Variants in GPC6 observed in about 807,000 individuals in gnomAD.
GPC6 encodes glypican 6, also known as glypican-6.
Under a neutral mutation model 55.2 loss-of-function variants are expected in GPC6, and 14 were observed. That is an observed-to-expected ratio of 0.25 (90% CI 0.17 to 0.40). The LOEUF (loss-of-function observed/expected upper bound fraction) is 0.40. Among genes scored for constraint, GPC6 ranks in the 10% least tolerant of loss-of-function variants. The pLI, the probability that GPC6 is intolerant of heterozygous loss-of-function variation, is 1.00. For missense variants in GPC6, 641 were observed against 708.5 expected (o/e 0.90, Z 1.08); for synonymous variants, 278 against 259.6 (o/e 1.07, Z -0.68).
intron 1 of GPC6, among the ~76,000 whole-genome samples, chr13:93,355,367 T>C (rs1275897776): frequency 1.3e-5 from 2 of 152,146 alleles, no homozygotes; most frequent in Non-Finnish European, 2.9e-5. Context: ...AGCTAAGTGA[T>C]AGATTCAAAA....
chr13:93,864,917 T>C (rs1441852004), intron 3 of GPC6, among the ~76,000 whole-genome samples: 2 of 151,742 alleles, frequency 1.3e-5, no homozygotes, highest in African/African-American at 4.8e-5. Flanking sequence ...TAAAATCTCA[T>C]GACTTAAGTT....
chr13:93,478,196 A>G (rs1879371785), intron 1 of GPC6, among the ~76,000 whole-genome samples: 2 of 152,210 alleles, frequency 1.3e-5, no homozygotes, highest in South Asian at 4.1e-4. Context: ...GTTTTAATCT[A>G]TGAGTTATAA....
chr13:93,320,813 A>G (rs1879413376), intron 1 of GPC6, among the ~76,000 whole-genome samples: 1 of 152,202 alleles, frequency 6.6e-6, no homozygotes, highest in Admixed American at 6.6e-5. Context: ...TGCTTTACAA[A>G]TAAGAACCGG....
At chr13:94,258,530 G>A (rs1186654876) in intron 4 of GPC6, among the ~76,000 whole-genome samples, 2 of 152,168 alleles carry the variant, frequency 1.3e-5, no homozygotes, top group Non-Finnish European at 2.9e-5. Flanking sequence ...TTTCTATCCA[G>A]TATCTTCTGT....
chr13:94,033,434 C>G (rs964697909), intron 4 of GPC6, among the ~76,000 whole-genome samples: 8 of 152,048 alleles, frequency 5.3e-5, no homozygotes, highest in Non-Finnish European at 1.0e-4. Flanking sequence ...TTTGTGCATT[C>G]GTAATTTTGT....
intron 2 of GPC6, among the ~76,000 whole-genome samples, chr13:93,790,206 C>T (rs1043708970): frequency 2.6e-5 from 4 of 152,142 alleles, no homozygotes; most frequent in Admixed American, 2.6e-4. Context: ...AAGCTTGGGG[C>T]TCTTCTAAGG....
chr13:93,494,614 A>T (rs1385265807), intron 1 of GPC6, among the ~76,000 whole-genome samples: 1 of 152,144 alleles, frequency 6.6e-6, no homozygotes. Context: ...GTTTCTTCCT[A>T]GTCTCAATGG....
chr13:93,318,126 A>ATAGGTT (rs1879305838), intron 1 of GPC6, among the ~76,000 whole-genome samples: 1 of 152,114 alleles, frequency 6.6e-6, no homozygotes, highest in Non-Finnish European at 1.5e-5. Flanking sequence ...TAGGTGATTG[A>ATAGGTT]TAGGTTTAGT....
chr13:93,514,292 A>G (rs538722048), intron 1 of GPC6, among the ~76,000 whole-genome samples: 1 of 152,222 alleles, frequency 6.6e-6, no homozygotes, highest in African/African-American at 2.4e-5. Flanking sequence ...AGAGAGCCTT[A>G]CTGCACTCAA....
intron 1 of GPC6, among the ~76,000 whole-genome samples, chr13:93,502,858 G>A (rs907964870): frequency 1.3e-5 from 2 of 152,040 alleles, no homozygotes; most frequent in Admixed American, 6.6e-5. Context: ...GAAGGGCTGC[G>A]TGTAGCACAT....
intron 4 of GPC6, among the ~76,000 whole-genome samples, chr13:94,059,380 T>A (rs1243758053): frequency 6.6e-6 from 1 of 152,044 alleles, no homozygotes; most frequent in African/African-American, 2.4e-5. Flanking sequence ...CTCCTATCTT[T>A]CCTCAGCGTT....
At chr13:94,114,189 C>T (rs1382559077) in intron 4 of GPC6, among the ~76,000 whole-genome samples, 1 of 149,294 alleles carries the variant, frequency 6.7e-6, no homozygotes, top group East Asian at 2.0e-4. Context: ...GGTAAAGTGA[C>T]CAGCCAAATG....
At chr13:94,398,409 G>A in intron 7 of GPC6, 57 bp from the exon 8 acceptor site, 1 of 1,299,284 alleles carries the variant, frequency 7.7e-7, no homozygotes, top group African/African-American at 1.4e-5. Flanking sequence ...GGCAGCATCT[G>A]GTTTTACAGT....
At chr13:94,054,391 C>T (rs1052664697) in intron 4 of GPC6, among the ~76,000 whole-genome samples, 1 of 152,162 alleles carries the variant, frequency 6.6e-6, no homozygotes, top group Non-Finnish European at 1.5e-5. Context: ...GCCCGGAGGG[C>T]CTGTTAAACC....
At chr13:93,943,458 G>A (rs1186813064) in intron 3 of GPC6, among the ~76,000 whole-genome samples, 1 of 152,100 alleles carries the variant, frequency 6.6e-6, no homozygotes, top group African/African-American at 2.4e-5. Context: ...TTTATTAAGT[G>A]GAATCGCTTG....
intron 4 of GPC6, among the ~76,000 whole-genome samples, chr13:94,131,893 A>G (rs1887014456): frequency 1.3e-5 from 2 of 152,230 alleles, no homozygotes; most frequent in East Asian, 3.8e-4. Context: ...GCTATACAAG[A>G]AAAGAAAAAT....
intron 3 of GPC6, among the ~76,000 whole-genome samples, chr13:93,994,346 C>T (rs1256957938): frequency 6.6e-6 from 1 of 152,086 alleles, no homozygotes; most frequent in East Asian, 1.9e-4. Flanking sequence ...AATATTGCCT[C>T]ATAGTTTTAA....
At position 94,289,696 on chromosome 13, in the gene GPC6, G is replaced by A. The variant is rs565385564; in HGVS notation, c.1008+3217G>A. ...AAAAATAAATAAATCTTTAATAAAA[G>A]GAACACAGGACCAGATATCAGGGGA... On this transcript the variant is annotated intron_variant, in intron 5 of 8. Coordinates refer to ENST00000377047, the MANE Select transcript of GPC6 (RefSeq NM_005708.5). 3.3e-5 allele frequency among the ~76,000 whole-genome samples: 5 copies of A among 152,242 alleles called. No individual in the cohort carries two copies. The South Asian group carries it at 1.0e-3, about 32-fold the overall frequency.
rs117109006 is a variant in GPC6, at chr13:93,921,168, C to T, written c.711+90623C>T. ...GAGTTTCCTGACCCCCCTTACAGGACCTGTGGCAGGGGTGTGGGTCAAACT... is the reference window on the plus strand; with the variant it reads ...GAGTTTCCTGACCCCCCTTACAGGATCTGTGGCAGGGGTGTGGGTCAAACT... On this transcript the variant is annotated intron_variant, in intron 3 of 8. Coordinates refer to ENST00000377047, the MANE Select transcript of GPC6 (RefSeq NM_005708.5). 4.5e-4 allele frequency among the ~76,000 whole-genome samples: 69 copies of T among 152,282 alleles called. No homozygotes were observed. In the East Asian group the frequency reaches 9.1e-3, roughly 20 times the overall value.
Sources: gnomAD v4.1 joint callset for allele counts (sites outside exome capture counted in the v4.1 genomes callset) on GRCh38, gnomAD v4.1.1 for gene constraint, MANE v1.5 for transcripts, NCBI Gene and HGNC (gene_info 2026-07-23, HGNC 2026-07-21) for gene names.